Variants in RANBP2 observed in about 807,000 individuals in gnomAD.
RANBP2 encodes the protein RAN binding protein 2.
In RANBP2, 57 loss-of-function variants were observed where a neutral mutation model predicts 303.6. The observed-to-expected ratio is 0.19, with a 90% CI of 0.15 to 0.23. The LOEUF (loss-of-function observed/expected upper bound fraction) is 0.23. Ranked by LOEUF, RANBP2 falls within the 10% of genes least tolerant of loss-of-function variation. RANBP2 has a pLI of 1.00. For missense variants in RANBP2, 3,138 were observed against 3,780.8 expected (o/e 0.83, Z 4.46); for synonymous variants, 1,167 against 1,301.5 (o/e 0.90, Z 2.23).
the RANBP2 span, among the ~76,000 whole-genome samples, chr2:109,485,164 C>G: frequency 1.0e-3 from 157 of 152,266 alleles, no homozygotes; most frequent in Admixed American, 6.2e-3. Flanking sequence ...TGGTGTGTGC[C>G]CAACCAATGC....
the RANBP2 span, among the ~76,000 whole-genome samples, chr2:108,833,001 T>A: frequency 1.3e-5 from 2 of 152,166 alleles, no homozygotes; most frequent in Non-Finnish European, 2.9e-5. Flanking sequence ...CATTGCTCAG[T>A]GAAAGAAGCC....
chr2:109,316,155 T>C, the RANBP2 span, among the ~76,000 whole-genome samples: 1 of 152,144 alleles, frequency 6.6e-6, no homozygotes, highest in African/African-American at 2.4e-5. Context: ...GGAGGAGGTG[T>C]TCAGAGCTGG....
chr2:109,522,881 A>AG, the RANBP2 span, among the ~76,000 whole-genome samples: 2 of 152,214 alleles, frequency 1.3e-5, no homozygotes, highest in African/African-American at 4.8e-5. Flanking sequence ...GATGACCAGG[A>AG]GAGAGAAGAG....
the RANBP2 span, among the ~76,000 whole-genome samples, chr2:109,652,463 G>A: frequency 3.3e-5 from 5 of 152,126 alleles, no homozygotes; most frequent in Non-Finnish European, 7.4e-5. Context: ...CTGACTTCGT[G>A]ATCCGCCCAC....
chr2:108,965,429 C>T, the RANBP2 span, among the ~76,000 whole-genome samples: 1 of 148,746 alleles, frequency 6.7e-6, no homozygotes, highest in Non-Finnish European at 1.5e-5. Context: ...CACGCCACTG[C>T]ACTCCAACCT....
At chr2:108,768,695 A>T (rs927530501) in intron 20 of RANBP2, among the ~76,000 whole-genome samples, 1 of 152,054 alleles carries the variant, frequency 6.6e-6, no homozygotes. Flanking sequence ...TCTTTTTTTA[A>T]AGTGTTCATT....
At chr2:109,203,400 G>A in the RANBP2 span, among the ~76,000 whole-genome samples, 27 of 152,254 alleles carry the variant, frequency 1.8e-4, no homozygotes, top group Middle Eastern at 3.4e-3. Flanking sequence ...GTGTTTCCGC[G>A]TCCCTACGAG....
the RANBP2 span, among the ~76,000 whole-genome samples, chr2:109,193,400 C>T: frequency 6.6e-6 from 1 of 152,116 alleles, no homozygotes; most frequent in African/African-American, 2.4e-5. Flanking sequence ...AATCATAGAC[C>T]ATTTTTATCA....
intron 20 of RANBP2, among the ~76,000 whole-genome samples, chr2:108,771,448 AAC>A (rs1006171649): frequency 6.6e-6 from 1 of 152,158 alleles, no homozygotes; most frequent in African/African-American, 2.4e-5. Context: ...CTATTAAGTA[AAC>A]ACAAATTTTT....
At chr2:109,529,435 G>A in the RANBP2 span, among the ~76,000 whole-genome samples, 1 of 152,152 alleles carries the variant, frequency 6.6e-6, no homozygotes, top group South Asian at 2.1e-4. Context: ...GAGGGTGGGG[G>A]CAGGGGAGAA....
At chr2:108,791,934 A>G in the RANBP2 span, 1 of 903,284 alleles carries the variant, frequency 1.1e-6, no homozygotes. Flanking sequence ...TCTGTAAGCT[A>G]GGAGATAGTT....
At position 108,766,338 on chromosome 2, in the gene RANBP2, C is replaced by T; in HGVS notation, c.5799C>T (p.Gly1933=). 6.2e-7 allele frequency: 1 copy of T among 1,611,904 alleles called. No homozygotes were observed. The highest frequency in any genetic ancestry group is 8.5e-7 in the Non-Finnish European group (1 of 1,179,844). ...AGGATATTAGTGGCCAGAAGAATGGCCGTGGTGTGATTTTTGGCCAAACAA... is the reference window on the plus strand; with the variant it reads ...AGGATATTAGTGGCCAGAAGAATGGTCGTGGTGTGATTTTTGGCCAAACAA... ...QAQDISGQKN[G]RGVIFGQTSS... is the part of the protein sequence containing the mutation. Residue 1933 remains glycine, a synonymous_variant, in exon 20 of 29, where the codon GGC becomes GGT. Transcript: ENST00000283195.
At chr2:108,937,804 C>T in the RANBP2 span, among the ~76,000 whole-genome samples, 2 of 151,984 alleles carry the variant, frequency 1.3e-5, no homozygotes, top group Non-Finnish European at 1.5e-5. Context: ...CCAGACAGGC[C>T]CCATGCACAG....
the RANBP2 span, among the ~76,000 whole-genome samples, chr2:108,960,193 C>T: frequency 6.6e-6 from 1 of 152,192 alleles, no homozygotes; most frequent in Non-Finnish European, 1.5e-5. Flanking sequence ...CTGGCAACCA[C>T]CAGTTCTCCC....
At chr2:109,568,409 T>C in the RANBP2 span, among the ~76,000 whole-genome samples, 1 of 149,902 alleles carries the variant, frequency 6.7e-6, no homozygotes, top group African/African-American at 2.5e-5. Flanking sequence ...AGTCTCGCTG[T>C]AACCCAGGCT....
chr2:109,047,530 C>T, the RANBP2 span, among the ~76,000 whole-genome samples: 13 of 152,054 alleles, frequency 8.5e-5, no homozygotes, highest in African/African-American at 1.7e-4. Flanking sequence ...CAAAGTGGAC[C>T]GGGCACGTTG....
At chr2:109,546,052 C>T in the RANBP2 span, 1 of 1,572,016 alleles carries the variant, frequency 6.4e-7, no homozygotes, top group Non-Finnish European at 8.6e-7. Context: ...CCTCTTACTT[C>T]TTACGGTCCT....
At chr2:109,601,901 G>A in the RANBP2 span, among the ~76,000 whole-genome samples, 11 of 152,268 alleles carry the variant, frequency 7.2e-5, no homozygotes, top group African/African-American at 2.6e-4. Context: ...GCCTACCGCA[G>A]CATAAGAGGA....
chr2:108,895,204 C>T, the RANBP2 span: 5 of 152,770 alleles, frequency 3.3e-5, no homozygotes, highest in South Asian at 8.3e-4. Flanking sequence ...GATCCTCTCA[C>T]AGTATGTACT....
Sources: gnomAD v4.1 joint callset for allele counts (sites outside exome capture counted in the v4.1 genomes callset) on GRCh38, gnomAD v4.1.1 for gene constraint, MANE v1.5 for transcripts, NCBI Gene and HGNC (gene_info 2026-07-23, HGNC 2026-07-21) for gene names.